Variants in PARD6G observed in about 807,000 individuals in gnomAD.
The protein encoded by PARD6G is par-6 family cell polarity regulator gamma.
In PARD6G, 7 loss-of-function variants were observed where a neutral mutation model predicts 10.7. The ratio of observed to expected loss-of-function variants is 0.66; its 90% CI spans 0.37 to 1.23. The LOEUF is 1.23. Ranked by LOEUF, PARD6G falls within the 50% of genes most tolerant of loss-of-function variation. The pLI is 0.02. For synonymous variants in PARD6G, 287 were observed against 269.4 expected, an observed-to-expected ratio of 1.07 and a Z score of -0.64; for missense variants, 548 against 571.8, an observed-to-expected ratio of 0.96 and a Z score of 0.42.
rs1190520308 is a variant in PARD6G, at chr18:80,231,514, T to C, written c.72+15763A>G. ...ATACAGACAGACAACATAGCAAAGC[T>C]GCAAAGAGCCAGGCTCTGAGTGGAC... On this transcript the variant is annotated intron_variant, in intron 1 of 2. Coordinates refer to ENST00000353265, the MANE Select transcript of PARD6G (RefSeq NM_032510.4). This position sits in a 1 kb window ranked among gnomAD's most constrained non-coding sequence, Gnocchi z 4.2. 2.6e-5 allele frequency among the ~76,000 whole-genome samples: 4 copies of C among 152,158 alleles called. No individual in the cohort carries two copies. The highest frequency in any genetic ancestry group is 5.9e-5 in the Non-Finnish European group (4 of 68,034).
intron 2 of PARD6G, among the ~76,000 whole-genome samples, chr18:80,178,779 T>C (rs538926935): frequency 2.0e-5 from 3 of 152,274 alleles, no homozygotes; most frequent in African/African-American, 7.2e-5. Flanking sequence ...TCTGGGCAGA[T>C]GGACACATGC....
rs569667670 is a variant in PARD6G, at chr18:80,231,986, C to T, written c.72+15291G>A. Among the ~76,000 whole-genome samples, 1 of 152,284 alleles carries T rather than the reference C, an allele frequency of 6.6e-6. No individual in the cohort carries two copies. The highest frequency in any genetic ancestry group is 2.1e-4 in the South Asian group (1 of 4,830). On this transcript the variant is annotated intron_variant, in intron 1 of 2. Transcript: ENST00000353265. This position sits in a 1 kb window ranked among gnomAD's most constrained non-coding sequence, Gnocchi z 4.2. ...GCCTTCCGGCAGCTGAACCACAAGC[C>T]CTAATCTCTGAGCAGAAGCCACTGC... is the stretch of plus-strand genomic sequence containing the variant.
In PARD6G at chr18:80,180,557, T is replaced by C. The variant is rs1213446023; in HGVS notation, c.296-19951A>G. On this transcript the variant is annotated intron_variant, in intron 2 of 2. Coordinates refer to ENST00000353265, the MANE Select transcript of PARD6G (RefSeq NM_032510.4). This position sits in a 1 kb window ranked among gnomAD's most constrained non-coding sequence, Gnocchi z 5.6. ...TCTCTGCCGGGCACACTGCGGCCTC[T>C]GGGTGTTTTCAGAACGGCAATCACA... is the stretch of plus-strand genomic sequence containing the variant. Among the ~76,000 whole-genome samples, 1 of 152,110 alleles carries C rather than the reference T, an allele frequency of 6.6e-6. No homozygotes were observed. The highest frequency in any genetic ancestry group is 1.5e-5 in the Non-Finnish European group (1 of 68,006).
intron 2 of PARD6G, among the ~76,000 whole-genome samples, chr18:80,165,471 T>C (rs1322303062): frequency 7.1e-6 from 1 of 141,176 alleles, no homozygotes; most frequent in African/African-American, 3.2e-5. Context: ...TTCAAACACA[T>C]GTTTTACAAT....
chr18:80,187,483 C>T (rs914459371), intron 2 of PARD6G, among the ~76,000 whole-genome samples: 1 of 152,204 alleles, frequency 6.6e-6, no homozygotes, highest in African/African-American at 2.4e-5. Context: ...CCCAAAGCAG[C>T]CCTCAGTGCG....
intron 1 of PARD6G, among the ~76,000 whole-genome samples, chr18:80,240,494 T>C (rs777660649): frequency 1.2e-3 from 190 of 152,274 alleles, no homozygotes; most frequent in Admixed American, 1.8e-3. Context: ...CCACCTCCAA[T>C]GCTGAGCTCT....
chr18:80,225,158 C>G (rs954954048), intron 1 of PARD6G, among the ~76,000 whole-genome samples: 11 of 152,198 alleles, frequency 7.2e-5, no homozygotes, highest in Admixed American at 2.0e-4. Flanking sequence ...TCTCAGTCTA[C>G]GCACGAAGCA....
chr18:80,204,599 C>T (rs905027702), intron 1 of PARD6G, among the ~76,000 whole-genome samples: 1 of 149,966 alleles, frequency 6.7e-6, no homozygotes, highest in African/African-American at 2.5e-5. Flanking sequence ...GCACTGCCCT[C>T]AGCAATTAAA....
rs973217783 is a variant in PARD6G at position 80,181,932 on chromosome 18, T to C, written c.295+20778A>G. 4.6e-5 allele frequency among the ~76,000 whole-genome samples: 7 copies of C among 152,186 alleles called. No individual in the cohort carries two copies. The highest frequency in any genetic ancestry group is 8.8e-5 in the Non-Finnish European group (6 of 68,026). On this transcript the variant is annotated intron_variant, in intron 2 of 2. Transcript: ENST00000353265. This position sits in a 1 kb window ranked among gnomAD's most constrained non-coding sequence, Gnocchi z 7.9. ...CCTGCATTTCAAACAGACCCAGGGCTGCAGCACACAACACGTTTCCAGTGG... is the reference window on the plus strand; with the variant it reads ...CCTGCATTTCAAACAGACCCAGGGCCGCAGCACACAACACGTTTCCAGTGG...
intron 1 of PARD6G, among the ~76,000 whole-genome samples, chr18:80,223,599 T>C (rs571714892): frequency 1.3e-5 from 2 of 152,318 alleles, no homozygotes; most frequent in African/African-American, 4.8e-5. Context: ...ATCTTAACCC[T>C]CACACATTTT....
intron 1 of PARD6G, among the ~76,000 whole-genome samples, chr18:80,238,734 G>T (rs886693931): frequency 6.6e-6 from 1 of 151,882 alleles, no homozygotes; most frequent in African/African-American, 2.4e-5. Context: ...CTGTCGTTGG[G>T]CTAAGGGGGT....
intron 1 of PARD6G, 72 bp from the exon 2 acceptor site, chr18:80,203,004 G>T: frequency 2.0e-6 from 2 of 1,020,746 alleles, no homozygotes; most frequent in East Asian, 2.5e-5. Context: ...AATAAGGTGT[G>T]GTTAGTGTAC....
chr18:80,222,973 G>A (rs1308837340), intron 1 of PARD6G, among the ~76,000 whole-genome samples: 1 of 152,176 alleles, frequency 6.6e-6, no homozygotes, highest in Non-Finnish European at 1.5e-5. Context: ...ACTGCAGCTG[G>A]TAATCAATTT....
At chr18:80,195,907 A>G (rs1278965312) in intron 2 of PARD6G, among the ~76,000 whole-genome samples, 1 of 151,228 alleles carries the variant, frequency 6.6e-6, no homozygotes, top group Admixed American at 6.6e-5. Context: ...TTTTTTTTAA[A>G]GTAAAAAAGA....
At chr18:80,177,855 GCA>G (rs1472296616) in intron 2 of PARD6G, among the ~76,000 whole-genome samples, 2 of 150,618 alleles carry the variant, frequency 1.3e-5, no homozygotes, top group Admixed American at 6.6e-5. Flanking sequence ...CAAACGGGAA[GCA>G]CACACATGTG....
intron 1 of PARD6G, among the ~76,000 whole-genome samples, chr18:80,238,204 A>T (rs1303432774): frequency 6.6e-6 from 1 of 152,210 alleles, no homozygotes; most frequent in Non-Finnish European, 1.5e-5. Flanking sequence ...ACATGGATGA[A>T]GCTGGAAACC....
intron 1 of PARD6G, among the ~76,000 whole-genome samples, chr18:80,217,140 G>T (rs967995277): frequency 3.3e-5 from 5 of 152,140 alleles, no homozygotes; most frequent in Admixed American, 3.3e-4. Flanking sequence ...GTATGTCAAA[G>T]GGAAATAGAA....
rs139472890 is a variant in PARD6G, at chr18:80,168,003, C to T, written c.296-7397G>A. Among the ~76,000 whole-genome samples the T allele has an allele frequency of 3.9e-3, 597 of 152,268 alleles. 8 individuals are homozygous for T. The highest frequency in any genetic ancestry group is 4.1e-3 in the South Asian group (20 of 4,826). On this transcript the variant is annotated intron_variant, in intron 2 of 2. Coordinates refer to ENST00000353265, the MANE Select transcript of PARD6G (RefSeq NM_032510.4). Reference sequence around the variant, plus strand: ...CAGTGGCTCCGTGGAGGAAACGGGCCGACACCCCACTTGGAGGAGGGCCAG... The same window carrying T: ...CAGTGGCTCCGTGGAGGAAACGGGCTGACACCCCACTTGGAGGAGGGCCAG...
chr18:80,212,064 G>A (rs1403959843), intron 1 of PARD6G, among the ~76,000 whole-genome samples: 1 of 152,050 alleles, frequency 6.6e-6, no homozygotes, highest in Non-Finnish European at 1.5e-5. Context: ...AAAAAAAATC[G>A]ATTCCCAGCC....
Sources: gnomAD v4.1 joint callset for allele counts (sites outside exome capture counted in the v4.1 genomes callset) on GRCh38, gnomAD v4.1.1 for gene constraint, Gnocchi (gnomAD v3.1) non-coding constraint, MANE v1.5 for transcripts, NCBI Gene and HGNC (gene_info 2026-07-23, HGNC 2026-07-21) for gene names.